The following PID1 variants were observed in gnomAD, a reference collection of about 807,000 sequenced individuals.
The protein encoded by PID1 is PTB-containing, cubilin and LRP1-interacting protein.
In PID1, 10 loss-of-function variants were observed where a neutral mutation model predicts 19.1. That is an observed-to-expected ratio of 0.52 (90% CI 0.32 to 0.89). PID1 has a LOEUF of 0.89. PID1 is among the 40% of genes least tolerant of loss of function. The pLI, the probability that PID1 is intolerant of heterozygous loss-of-function variation, is 0.03. For synonymous variants in PID1, 130 were observed against 116.0 expected (o/e 1.12, Z -0.78); for missense variants, 248 against 285.3 (o/e 0.87, Z 0.94).
At chr2:229,194,846 T>C (rs993760869) in intron 1 of PID1, among the ~76,000 whole-genome samples, 2 of 151,952 alleles carry the variant, frequency 1.3e-5, no homozygotes, top group African/African-American at 2.4e-5. Context: ...CATATGCAAA[T>C]GTACATGTAT....
intron 1 of PID1, among the ~76,000 whole-genome samples, chr2:229,204,096 C>G (rs1010633735): frequency 6.6e-6 from 1 of 151,950 alleles, no homozygotes; most frequent in Admixed American, 6.6e-5. Flanking sequence ...CTGGAAGAAC[C>G]CTGATCAATA....
At position 229,028,917 on chromosome 2, in the gene PID1, TCTA is replaced by T. The variant is rs573195375; in HGVS notation, c.178-2812_178-2810del. Among the ~76,000 whole-genome samples the T allele has an allele frequency of 1.2e-4, 18 of 152,312 alleles. No individual in the cohort carries two copies. The South Asian group carries it at 3.3e-3, about 28-fold the overall frequency. On this transcript the variant is annotated intron_variant, in intron 2 of 2. Coordinates refer to ENST00000392055, the MANE Select transcript of PID1 (RefSeq NM_001100818.2). ...CTACTAATAAGTGGCTATTATCAGT[TCTA>T]CTAATAAGCGGCTCACTCAATTTAT... is the stretch of plus-strand genomic sequence containing the variant.
At chr2:229,225,382 G>A (rs972329005) in intron 1 of PID1, among the ~76,000 whole-genome samples, 6 of 152,096 alleles carry the variant, frequency 3.9e-5, no homozygotes, top group African/African-American at 1.2e-4. Flanking sequence ...CTATGGATTG[G>A]ATCCTTCACT....
intron 2 of PID1, among the ~76,000 whole-genome samples, chr2:229,077,713 C>T (rs905976837): frequency 9.2e-5 from 14 of 152,118 alleles, no homozygotes; most frequent in Admixed American, 3.3e-4. Context: ...GGTGTTATTT[C>T]TGAGACCTCT....
chr2:229,201,373 C>T (rs1222837270), intron 1 of PID1, among the ~76,000 whole-genome samples: 1 of 152,062 alleles, frequency 6.6e-6, no homozygotes, highest in African/African-American at 2.4e-5. Flanking sequence ...TGGACACATA[C>T]TTGTTCTTTT....
chr2:229,049,965 G>A (rs7569844), intron 2 of PID1, among the ~76,000 whole-genome samples: 79,434 of 151,840 alleles, frequency 0.52, 21,544 homozygotes, highest in East Asian at 0.67. Context: ...ATACACATTT[G>A]TATCTACATG....
intron 2 of PID1, among the ~76,000 whole-genome samples, chr2:229,031,915 G>A (rs1200790021): frequency 6.6e-6 from 1 of 152,186 alleles, no homozygotes; most frequent in African/African-American, 2.4e-5. Flanking sequence ...AATGTTGACT[G>A]TAAGTCACTG....
intron 2 of PID1, among the ~76,000 whole-genome samples, chr2:229,058,966 A>T (rs975553243): frequency 1.3e-5 from 2 of 152,206 alleles, no homozygotes; most frequent in Non-Finnish European, 2.9e-5. Context: ...CTGTTAGGGG[A>T]AGAACACTAA....
chr2:229,070,996 G>A (rs1694439631), intron 2 of PID1, among the ~76,000 whole-genome samples: 2 of 152,216 alleles, frequency 1.3e-5, no homozygotes, highest in South Asian at 4.1e-4. Flanking sequence ...TTAATTTTTA[G>A]AAATCTACCT....
At chr2:229,188,739 CAA>C (rs11313891) in intron 1 of PID1, among the ~76,000 whole-genome samples, 249 of 127,426 alleles carry the variant, frequency 2.0e-3, no homozygotes, top group Middle Eastern at 4.2e-3. Flanking sequence ...AACTCCACCT[CAA>C]AAAAAAAAAA....
At chr2:229,193,719 T>A (rs1204683520) in intron 1 of PID1, among the ~76,000 whole-genome samples, 1 of 151,044 alleles carries the variant, frequency 6.6e-6, no homozygotes, top group Admixed American at 6.6e-5. Context: ...AAATGACACA[T>A]AATTAATAAA....
chr2:229,043,087 C>G (rs1413238896), intron 2 of PID1, among the ~76,000 whole-genome samples: 1 of 151,592 alleles, frequency 6.6e-6, no homozygotes, highest in Non-Finnish European at 1.5e-5. Context: ...ATCACTGCCA[C>G]CTCCAATTCC....
intron 2 of PID1, among the ~76,000 whole-genome samples, chr2:229,049,148 G>A (rs6436830): frequency 0.52 from 79,316 of 151,788 alleles, 21,477 homozygotes; most frequent in East Asian, 0.67. Flanking sequence ...ATAGCTACAT[G>A]GGAGACTCCC....
rs184763830 is a variant in PID1 at position 229,226,088 on chromosome 2, G to A, written c.30+44926C>T. 7.9e-5 allele frequency among the ~76,000 whole-genome samples: 12 copies of A among 152,284 alleles called. No homozygotes were observed. The East Asian group carries it at 2.3e-3, about 29-fold the overall frequency. On this transcript the variant is annotated intron_variant, in intron 1 of 2. Coordinates refer to ENST00000392055, the MANE Select transcript of PID1 (RefSeq NM_001100818.2). ...AATCCTAGCCACACATCTGTAAATAGTCTCCTCTTAAAGTCACTTCAGTTG... is the reference window on the plus strand; with the variant it reads ...AATCCTAGCCACACATCTGTAAATAATCTCCTCTTAAAGTCACTTCAGTTG...
chr2:229,209,244 C>G (rs1318190382), intron 1 of PID1, among the ~76,000 whole-genome samples: 1 of 152,192 alleles, frequency 6.6e-6, no homozygotes, highest in Non-Finnish European at 1.5e-5. Context: ...CAACCACTTG[C>G]AAACCCTCAC....
Position 229,124,830 on chromosome 2 carries a change from A to C in PID1, c.177+30988T>G, listed in dbSNP as rs74990636. On this transcript the variant is annotated intron_variant, in intron 2 of 2. Transcript: ENST00000392055. ...AGTGACCCCTGAATGCATTTCTACT[A>C]CCTGTTGACTAACAAGTCCTTAACC... 1.2e-4 allele frequency among the ~76,000 whole-genome samples: 19 copies of C among 152,304 alleles called. No homozygotes were observed. The East Asian group carries it at 3.3e-3, about 26-fold the overall frequency.
Position 229,248,331 on chromosome 2 carries a change from G to C in PID1, c.30+22683C>G, listed in dbSNP as rs192039351. 1.7e-3 allele frequency among the ~76,000 whole-genome samples: 255 copies of C among 152,268 alleles called. 3 individuals are homozygous for C. Among genetic ancestry groups the C allele is most frequent in the Admixed American group, 3.9e-3 (59 of 15,292 alleles). ...TTGTTTTAGAGAATACATGCTCCTG[G>C]AACAGGAATATGATGCGAGTGAGCC... On this transcript the variant is annotated intron_variant, in intron 1 of 2. Transcript: ENST00000392055.
intron 1 of PID1, among the ~76,000 whole-genome samples, chr2:229,210,614 A>G (rs1691712683): frequency 6.6e-6 from 1 of 150,944 alleles, no homozygotes; most frequent in South Asian, 2.1e-4. Context: ...CTTTTGCTAC[A>G]CAAGTAAAGA....
intron 1 of PID1, among the ~76,000 whole-genome samples, chr2:229,217,371 G>A (rs1303402819): frequency 6.6e-6 from 1 of 152,208 alleles, no homozygotes. Flanking sequence ...CCTTTCTGGA[G>A]AGAAAACAGC....
Sources: allele counts gnomAD v4.1 joint callset (sites outside exome capture counted in the v4.1 genomes callset), GRCh38; gene constraint gnomAD v4.1.1; transcripts MANE v1.5; gene names NCBI Gene and HGNC (gene_info 2026-07-23, HGNC 2026-07-21).